MAP7: variants seen among roughly 807,000 people sequenced by gnomAD.
MAP7 encodes the protein microtubule associated protein 7.
A neutral mutation model predicts 94.8 loss-of-function variants in MAP7; 52 were observed. The ratio of observed to expected loss-of-function variants is 0.55; its 90% CI spans 0.44 to 0.69. MAP7 has a LOEUF of 0.69. Among genes scored for constraint, MAP7 ranks in the 30% least tolerant of loss-of-function variants. The probability of loss-of-function intolerance (pLI) is 0.00; values close to 1 mark genes in which losing one functional copy is unlikely to be tolerated. For synonymous variants in MAP7, 350 were observed against 357.0 expected (o/e 0.98, Z 0.22); for missense variants, 940 against 964.6 (o/e 0.97, Z 0.34).
chr6:136,385,079 G>T (rs1778833457), intron 5 of MAP7, among the ~76,000 whole-genome samples: 1 of 152,178 alleles, frequency 6.6e-6, no homozygotes, highest in African/African-American at 2.4e-5. Flanking sequence ...AATACTCCTT[G>T]TGGGAGATGC....
At chr6:136,546,083 G>A (rs973182727) in intron 1 of MAP7, among the ~76,000 whole-genome samples, 3 of 152,078 alleles carry the variant, frequency 2.0e-5, no homozygotes, top group Non-Finnish European at 4.4e-5. Context: ...TGCAATCTTG[G>A]CTCACTGCAA....
At chr6:136,452,973 C>A (rs1488122186) in intron 1 of MAP7, among the ~76,000 whole-genome samples, 1 of 152,098 alleles carries the variant, frequency 6.6e-6, no homozygotes, top group East Asian at 1.9e-4. Flanking sequence ...AGTGTGACTG[C>A]CTTGTGAAAT....
intron 1 of MAP7, among the ~76,000 whole-genome samples, chr6:136,482,280 A>G (rs886263857): frequency 6.6e-6 from 1 of 152,170 alleles, no homozygotes; most frequent in Non-Finnish European, 1.5e-5. Flanking sequence ...GTATATATCC[A>G]AAGAAATATA....
intron 1 of MAP7, among the ~76,000 whole-genome samples, chr6:136,506,101 C>A (rs1319134427): frequency 6.6e-6 from 1 of 152,090 alleles, no homozygotes; most frequent in Non-Finnish European, 1.5e-5. Context: ...AAAGAAAATT[C>A]TTGAGTAAAT....
Position 136,360,931 on chromosome 6 carries a change from C to T in MAP7, c.1701+74G>A, listed in dbSNP as rs529542286. The T allele has an allele frequency of 4.2e-5, 65 of 1,546,888 alleles. No homozygotes were observed. In the Admixed American group the frequency reaches 4.4e-4, roughly 10 times the overall value. On this transcript the variant is annotated intron_variant, in intron 12 of 17. Transcript: ENST00000354570. ...AAGCGGGAGCACCAGCAGTCCAGTC[C>T]GCACCCTCCTCTGCTGGGCTGGGGC...
Position 136,354,352 on chromosome 6 carries a change from AT to A in MAP7, c.2015+2339del, listed in dbSNP as rs1164030836. Among the ~76,000 whole-genome samples the A allele has an allele frequency of 2.1e-5, 3 of 144,454 alleles. No homozygotes were observed. In the East Asian group the frequency reaches 5.9e-4, roughly 28 times the overall value. The allele number at this position is 144,454 out of a possible 152,430, so 94.8% of individuals were successfully genotyped here. A position where few individuals can be genotyped will look rare whatever the true frequency, so the allele number is the denominator to read the frequency against. On this transcript the variant is annotated intron_variant, in intron 16 of 17. Coordinates refer to ENST00000354570, the MANE Select transcript of MAP7 (RefSeq NM_003980.6). ...TAAATATATATTTCCTTTAAAGGAA[AT>A]ATATATATAGTAGATATATATAAAA...
intron 12 of MAP7, 78 bp downstream of exon 12, chr6:136,360,927 A>C: frequency 6.5e-7 from 1 of 1,547,104 alleles, no homozygotes; most frequent in South Asian, 1.2e-5. Context: ...CCAGCAGTCC[A>C]GTCCGCACCC....
chr6:136,384,053 G>T (rs1049348769), intron 5 of MAP7, among the ~76,000 whole-genome samples: 2 of 152,192 alleles, frequency 1.3e-5, no homozygotes, highest in African/African-American at 4.8e-5. Flanking sequence ...CAAAAGGAAG[G>T]CCAGTGAAGG....
chr6:136,382,227 G>C (rs569622239), intron 6 of MAP7, among the ~76,000 whole-genome samples: 1 of 152,254 alleles, frequency 6.6e-6, no homozygotes, highest in Admixed American at 6.5e-5. Flanking sequence ...TCATTCCACA[G>C]CATGGACAGG....
At chr6:136,405,626 G>A (rs1288551877) in intron 3 of MAP7, among the ~76,000 whole-genome samples, 2 of 152,258 alleles carry the variant, frequency 1.3e-5, no homozygotes, top group African/African-American at 2.4e-5. Context: ...AAGGTCTGGA[G>A]CAGAGGCAGG....
At chr6:136,516,610 T>C (rs578011571) in intron 1 of MAP7, among the ~76,000 whole-genome samples, 3 of 152,304 alleles carry the variant, frequency 2.0e-5, no homozygotes, top group South Asian at 2.1e-4. Context: ...CGCTGGCATA[T>C]ATATGTTCAA....
chr6:136,448,778 A>G lies in MAP7; in HGVS notation c.68-26979T>C, dbSNP rs1396609773. On this transcript the variant is annotated intron_variant, in intron 1 of 17. Transcript: ENST00000354570. ...GGAATTATAGCAATGCCTGAGAGAT[A>G]CAAGATCCAGAATGAAAAAGAAGAG... is the stretch of plus-strand genomic sequence containing the variant. 2.0e-5 allele frequency among the ~76,000 whole-genome samples: 3 copies of G among 152,158 alleles called. No homozygotes were observed. In the East Asian group the frequency reaches 5.8e-4, roughly 29 times the overall value.
intron 1 of MAP7, among the ~76,000 whole-genome samples, chr6:136,479,024 G>GAAGA (rs934729650): frequency 1.2e-4 from 16 of 132,582 alleles, no homozygotes; most frequent in African/African-American, 3.3e-4. Flanking sequence ...AGAAGGAAAT[G>GAAGA]AAGAAAGAAA....
At chr6:136,464,468 T>C (rs984185361) in intron 1 of MAP7, among the ~76,000 whole-genome samples, 1 of 152,248 alleles carries the variant, frequency 6.6e-6, no homozygotes, top group African/African-American at 2.4e-5. Context: ...CATTAGCTAT[T>C]GTTGTTAATC....
intron 1 of MAP7, among the ~76,000 whole-genome samples, chr6:136,423,618 T>C (rs1245160261): frequency 6.6e-6 from 1 of 151,856 alleles, no homozygotes; most frequent in Non-Finnish European, 1.5e-5. Context: ...GTTTAGGGTA[T>C]GGCCTGGTTT....
rs143950846 is a variant in MAP7, at chr6:136,360,785, GCTT to G, written c.1712_1714del (p.Glu571del). On this transcript the variant is annotated inframe_deletion, in exon 13 of 18. Coordinates refer to ENST00000354570, the MANE Select transcript of MAP7 (RefSeq NM_003980.6). ...CCTCTCTGCTTCTTCACGAACGCGA[GCTT>G]CTTCTTCTTTCTGAAAACAGAAGGT... 3.8e-3 allele frequency: 6,057 copies of G among 1,613,932 alleles called. 165 individuals are homozygous for G. The African/African-American group carries it at 0.067, about 18-fold the overall frequency.
chr6:136,396,407 C>T (rs1245874320), intron 3 of MAP7, among the ~76,000 whole-genome samples: 2 of 151,922 alleles, frequency 1.3e-5, no homozygotes, highest in African/African-American at 4.8e-5. Flanking sequence ...TAATTTTGTA[C>T]CTTGCAATTT....
intron 1 of MAP7, among the ~76,000 whole-genome samples, chr6:136,470,474 G>A (rs2128936020): frequency 6.6e-6 from 1 of 152,042 alleles, no homozygotes; most frequent in Admixed American, 6.6e-5. Context: ...TTTTGTGTGT[G>A]TGGTAAGAAC....
intron 11 of MAP7, 71 bp downstream of exon 11, chr6:136,362,379 C>T: frequency 5.8e-6 from 9 of 1,563,378 alleles, no homozygotes; most frequent in Non-Finnish European, 7.8e-6. Context: ...CACCTCCTCC[C>T]TCTCAGAGGG....
Sources: gnomAD v4.1 joint callset for allele counts (sites outside exome capture counted in the v4.1 genomes callset) on GRCh38, gnomAD v4.1.1 for gene constraint, MANE v1.5 for transcripts, NCBI Gene and HGNC (gene_info 2026-07-23, HGNC 2026-07-21) for gene names.